Variants in MUC17 observed in about 807,000 individuals in gnomAD.
MUC17 encodes the protein mucin-17.
Under a neutral mutation model 170.3 loss-of-function variants are expected in MUC17, and 190 were observed. The observed-to-expected ratio is 1.12, with a 90% confidence interval of 0.99 to 1.26. MUC17 has a LOEUF of 1.26. Ranked by LOEUF, MUC17 falls within the 50% of genes most tolerant of loss-of-function variation. MUC17 has a pLI of 0.00. For missense variants in MUC17, 6,415 were observed against 5,530.0 expected, an observed-to-expected ratio of 1.16 and a Z score of -5.08; for synonymous variants, 2,325 against 2,002.5, an observed-to-expected ratio of 1.16 and a Z score of -4.30.
At chr7:101,020,249 G>C in intron 1 of MUC17, 32 bp downstream of exon 1, 1 of 1,576,178 alleles carries the variant, frequency 6.3e-7, no homozygotes. Context: ...CTGCCCAAGA[G>C]GCCCCCATCC....
chr7:101,024,351 G>A (rs181427895), intron 1 of MUC17, among the ~76,000 whole-genome samples: 35 of 151,718 alleles, frequency 2.3e-4, no homozygotes, highest in African/African-American at 8.0e-4. Context: ...CGTGAGCCGA[G>A]ATGGCATCAC....
chr7:101,028,251 C>A (rs1282103679), intron 1 of MUC17, among the ~76,000 whole-genome samples: 1 of 151,514 alleles, frequency 6.6e-6, no homozygotes, highest in African/African-American at 2.4e-5. Flanking sequence ...CCATCACACC[C>A]AGCTAATTTT....
In MUC17 at chr7:101,043,154, C is replaced by T; in HGVS notation, c.11738C>T (p.Ala3913Val). Residue 3913 changes from alanine (A) to valine (V), a missense_variant, in exon 3 of 13, where the codon GCC (alanine) becomes GTC (valine). Ala to Val is a moderately conservative substitution (Grantham distance 64, BLOSUM62 0). Transcript: ENST00000306151. ...STTFTPSTDTASTPTIPVATT... is the reference protein window; with the variant it reads ...STTFTPSTDTVSTPTIPVATT... ...ACTTTTACCCCTTCTACTGACACTGCCTCAACTCCCACAATTCCTGTAGCC... is the reference window on the plus strand; with the variant it reads ...ACTTTTACCCCTTCTACTGACACTGTCTCAACTCCCACAATTCCTGTAGCC... 1 of 1,614,170 alleles carries T rather than the reference C, an allele frequency of 6.2e-7. No individual in the cohort carries two copies. The highest frequency in any genetic ancestry group is 8.5e-7 in the Non-Finnish European group (1 of 1,180,016).
At chr7:101,053,461 A>C in intron 11 of MUC17, 25 bp downstream of exon 11, 1 of 1,587,714 alleles carries the variant, frequency 6.3e-7, no homozygotes, top group Non-Finnish European at 8.6e-7. Context: ...CTCTGAACTC[A>C]GAATGGCTCA....
Position 101,032,086 on chromosome 7 carries a change from A to G in MUC17, c.670A>G (p.Ser224Gly), listed in dbSNP as rs116801454. The change falls in exon 3 of 13, where the codon AGC (serine) becomes GGC (glycine). Residue 224 changes from serine to glycine, a missense_variant. Ser to Gly is a moderately conservative substitution (Grantham distance 56). Transcript: ENST00000306151. Reference protein sequence around the residue: ...GSTPLTSMPASTMKVASSEAI... With the variant: ...GSTPLTSMPAGTMKVASSEAI... Reference sequence around the variant, plus strand: ...CACTCCATTAACAAGTATGCCTGCCAGCACCATGAAGGTGGCCAGTTCAGA... The same window carrying G: ...CACTCCATTAACAAGTATGCCTGCCGGCACCATGAAGGTGGCCAGTTCAGA... 2.4e-3 allele frequency: 3,864 copies of G among 1,614,200 alleles called. 81 individuals carry two copies. The African/African-American group carries it at 0.046, about 19-fold the overall frequency.
At position 101,040,172 on chromosome 7, in the gene MUC17, C is replaced by G. The variant is rs757242841; in HGVS notation, c.8756C>G (p.Pro2919Arg). The G allele has an allele frequency of 1.9e-6, 3 of 1,612,864 alleles. No individual in the cohort carries two copies. In the South Asian group the frequency reaches 3.3e-5, roughly 18 times the overall value. Reference protein sequence around the residue: ...SPTTAEGTSMPISTPSEVSTP... With the variant: ...SPTTAEGTSMRISTPSEVSTP... ...ACAACTGCTGAAGGTACCAGCATGC[C>G]AATCTCAACTCCTAGTGAAGTAAGT... is the stretch of plus-strand genomic sequence containing the variant. The change falls in exon 3 of 13, where the codon CCA becomes CGA. Residue 2919 changes from proline to arginine, a missense_variant. Pro to Arg is a moderately radical substitution (Grantham distance 103). Coordinates refer to ENST00000306151, the MANE Select transcript of MUC17 (RefSeq NM_001040105.2).
chr7:101,057,651 G>T (rs1178795750), intron 12 of MUC17, among the ~76,000 whole-genome samples: 2 of 152,150 alleles, frequency 1.3e-5, no homozygotes, highest in African/African-American at 4.8e-5. Flanking sequence ...AGGTCGAAGT[G>T]GATGGATTGC....
chr7:101,020,735 A>G (rs938833888), intron 1 of MUC17, among the ~76,000 whole-genome samples: 3 of 152,132 alleles, frequency 2.0e-5, no homozygotes, highest in Admixed American at 1.3e-4. Context: ...TAATCCTGCC[A>G]TGAACCAGCT....
Position 101,040,104 on chromosome 7 carries a change from C to T in MUC17, c.8688C>T (p.Thr2896=), listed in dbSNP as rs1356288194. The stretch of plus-strand genomic sequence containing the variant: ...CCCTTTCAACAACTCCTGTTGATAC[C>T]AGCATACCTGTCACCACTTCTACTG... ...ASTLSTTPVD[T]SIPVTTSTEG... The change falls in exon 3 of 13, where the codon ACC becomes ACT. Residue 2896 remains threonine (T), a synonymous_variant. Coordinates refer to ENST00000306151, the MANE Select transcript of MUC17 (RefSeq NM_001040105.2). 5.0e-6 allele frequency: 8 copies of T among 1,612,590 alleles called. No individual in the cohort carries two copies. Among genetic ancestry groups the T allele is most frequent in the Non-Finnish European group, 6.8e-6 (8 of 1,179,434 alleles).
Position 101,037,951 on chromosome 7 carries a change from A to G in MUC17, c.6535A>G (p.Ser2179Gly), listed in dbSNP as rs745561907. 6.2e-7 allele frequency: 1 copy of G among 1,612,674 alleles called. No individual in the cohort carries two copies. The highest frequency in any genetic ancestry group is 8.5e-7 in the Non-Finnish European group (1 of 1,178,954). ...STTVVASSAI[S>G]TLSTTPVDTS... The stretch of plus-strand genomic sequence containing the variant: ...CACAGTGGTGGCCAGTTCTGCAATC[A>G]GCACCCTTTCAACAACTCCTGTTGA... The change falls in exon 3 of 13, where the codon AGC becomes GGC. Residue 2179 changes from serine (S) to glycine (G), a missense_variant. Coordinates refer to ENST00000306151, the MANE Select transcript of MUC17 (RefSeq NM_001040105.2).
At position 101,039,498 on chromosome 7, in the gene MUC17, A is replaced by T; in HGVS notation, c.8082A>T (p.Leu2694Phe). The T allele has an allele frequency of 6.2e-7, 1 of 1,610,624 alleles. No homozygotes were observed. The highest frequency in any genetic ancestry group is 8.5e-7 in the Non-Finnish European group (1 of 1,178,494). Residue 2694 changes from leucine to phenylalanine, a missense_variant, in exon 3 of 13, where the codon TTA becomes TTT. Leu to Phe is a conservative substitution (Grantham distance 22, BLOSUM62 0). Transcript: ENST00000306151. The stretch of plus-strand genomic sequence containing the variant: ...CTCCTGGTGAAAGAAGCACTCCATT[A>T]ACAAATATACTTGTCAGCACCACGC... ...TSTPGERSTPLTNILVSTTLL... is the reference protein window; with the variant it reads ...TSTPGERSTPFTNILVSTTLL...
In MUC17 at chr7:101,034,212, C is replaced by CA; in HGVS notation, c.2797dup (p.Thr933AsnfsTer8). On this transcript the variant is annotated frameshift_variant, in exon 3 of 13. Coordinates refer to ENST00000306151, the MANE Select transcript of MUC17 (RefSeq NM_001040105.2). LOFTEE classifies it high-confidence loss of function. ...CTCCATTAACAAGTATGCCTGACAG[C>CA]ACCACGCCGGTAGTCAGTTCTGAGG... 6.2e-7 allele frequency: 1 copy of CA among 1,600,746 alleles called. No individual in the cohort carries two copies. The highest frequency in any genetic ancestry group is 8.5e-7 in the Non-Finnish European group (1 of 1,173,358).
rs1319041454 is a variant in MUC17, at chr7:101,039,285, G to A, written c.7869G>A (p.Met2623Ile). 1 of 1,612,904 alleles carries A rather than the reference G, an allele frequency of 6.2e-7. No individual in the cohort carries two copies. The highest frequency in any genetic ancestry group is 8.5e-7 in the Non-Finnish European group (1 of 1,179,684). ...SSPTTAKDTSMPISTPSEVST... is the reference protein window; with the variant it reads ...SSPTTAKDTSIPISTPSEVST... ...CTACAACTGCAAAAGATACCAGCATGCCAATCTCAACTCCTAGTGAAGTAA... is the reference window on the plus strand; with the variant it reads ...CTACAACTGCAAAAGATACCAGCATACCAATCTCAACTCCTAGTGAAGTAA... The change falls in exon 3 of 13, where the codon ATG becomes ATA. Residue 2623 changes from methionine (M) to isoleucine (I), a missense_variant. Met to Ile is a conservative substitution (Grantham distance 10, BLOSUM62 1). Coordinates refer to ENST00000306151, the MANE Select transcript of MUC17 (RefSeq NM_001040105.2).
At position 101,031,137 on chromosome 7, in the gene MUC17, G is replaced by A; in HGVS notation, c.100G>A (p.Ala34Thr). The change falls in exon 2 of 13, where the codon GCT (alanine) becomes ACT (threonine). Residue 34 changes from alanine to threonine, a missense_variant. Physicochemically the swap from Ala to Thr is moderately conservative, Grantham distance 58. Coordinates refer to ENST00000306151, the MANE Select transcript of MUC17 (RefSeq NM_001040105.2). ...AAEQDLSVNR[A>T]VWDGGGCISQ... is the part of the protein sequence containing the mutation. Reference sequence around the variant, plus strand: ...TCTTTCAGACCTCAGTGTGAACAGGGCTGTGTGGGATGGAGGAGGGTGCAT... The same window carrying A: ...TCTTTCAGACCTCAGTGTGAACAGGACTGTGTGGGATGGAGGAGGGTGCAT... 1.2e-6 allele frequency: 2 copies of A among 1,613,600 alleles called. No homozygotes were observed. Among genetic ancestry groups the A allele is most frequent in the South Asian group, 2.2e-5 (2 of 90,922 alleles).
intron 12 of MUC17, 144 bp from the exon 13 acceptor site, chr7:101,057,859 G>A: frequency 1.6e-6 from 1 of 614,670 alleles, no homozygotes; most frequent in Non-Finnish European, 2.7e-6. Flanking sequence ...CAGCCTGGAT[G>A]GCAGAGTAAG....
Position 101,053,118 on chromosome 7 carries a change from C to T in MUC17, c.13236C>T (p.Leu4412=), listed in dbSNP as rs1425727665. Residue 4412 remains leucine (L), a synonymous_variant, in exon 10 of 13, where the codon CTC becomes CTT. Transcript: ENST00000306151. The part of the protein sequence containing the change: ...MLIILVALLM[L]VFRSKREVKR... ...TCATCCTGGTAGCTCTCCTGATGCT[C>T]GTTTTCCGCTCCAAGAGAGAGGTGA... is the stretch of plus-strand genomic sequence containing the variant. 1.1e-5 allele frequency: 17 copies of T among 1,613,888 alleles called. No individual in the cohort carries two copies. Among genetic ancestry groups the T allele is most frequent in the African/African-American group, 1.3e-5 (1 of 74,906 alleles).
chr7:101,038,656 G>A lies in MUC17; in HGVS notation c.7240G>A (p.Ala2414Thr), dbSNP rs141092706. The A allele has an allele frequency of 1.5e-4, 234 of 1,613,634 alleles. No individual in the cohort carries two copies. The African/African-American group carries it at 2.5e-3, about 17-fold the overall frequency. ...VSTMPVVSSEASTHSTTPVDT... is the reference protein window; with the variant it reads ...VSTMPVVSSETSTHSTTPVDT... ...CACCATGCCGGTGGTCAGTTCTGAG[G>A]CTAGCACCCATTCCACAACTCCTGT... Residue 2414 changes from alanine to threonine, a missense_variant, in exon 3 of 13, where the codon GCT becomes ACT. Ala to Thr is a moderately conservative substitution (Grantham distance 58). Coordinates refer to ENST00000306151, the MANE Select transcript of MUC17 (RefSeq NM_001040105.2).
At chr7:101,053,268 T>C in intron 10 of MUC17, 71 bp from the exon 11 acceptor site, 1 of 1,581,508 alleles carries the variant, frequency 6.3e-7, no homozygotes, top group Non-Finnish European at 8.7e-7. Context: ...AAAATGGGGA[T>C]ACAGCTTGTC....
In MUC17 at chr7:101,038,701, A is replaced by AGGTGG. The variant is rs1794576001; in HGVS notation, c.7285_7286insGGTGG (p.Thr2429ArgfsTer32). 6.2e-7 allele frequency: 1 copy of AGGTGG among 1,612,916 alleles called. No individual in the cohort carries two copies. ...TCCTGTTGACACCAGCACACCTGTC[A>AGGTGG]CCACTTCTACTGAAGCCAGTTCATC... On this transcript the variant is annotated frameshift_variant, in exon 3 of 13. Coordinates refer to ENST00000306151, the MANE Select transcript of MUC17 (RefSeq NM_001040105.2). LOFTEE classifies it high-confidence loss of function.
Sources: allele counts gnomAD v4.1 joint callset (sites outside exome capture counted in the v4.1 genomes callset), GRCh38; gene constraint gnomAD v4.1.1; transcripts MANE v1.5; gene names NCBI Gene and HGNC (gene_info 2026-07-23, HGNC 2026-07-21).